SPATA13: variants seen among roughly 807,000 people sequenced by gnomAD.
SPATA13 encodes the protein spermatogenesis associated 13.
A neutral mutation model predicts 104.0 loss-of-function variants in SPATA13; 50 were observed. The ratio of observed to expected loss-of-function variants is 0.48; its 90% confidence interval spans 0.38 to 0.61. SPATA13 has a LOEUF of 0.61. Among genes scored for constraint, SPATA13 ranks in the 20% least tolerant of loss-of-function variants. SPATA13 has a pLI of 0.00. For missense variants in SPATA13, 1,524 were observed against 1,690.6 expected, an observed-to-expected ratio of 0.90 and a Z score of 1.73; for synonymous variants, 606 against 667.5, an observed-to-expected ratio of 0.91 and a Z score of 1.42.
At position 24,223,020 on chromosome 13, in the gene SPATA13, T is replaced by A. The variant is rs1030752353; in HGVS notation, c.91T>A (p.Cys31Ser). The A allele has an allele frequency of 6.4e-7, 1 of 1,551,534 alleles. No individual in the cohort carries two copies. Among genetic ancestry groups the A allele is most frequent in the South Asian group, 1.2e-5 (1 of 84,044 alleles). Residue 31 changes from cysteine (C) to serine (S), a missense_variant, in exon 2 of 13, where the codon TGT (cysteine) becomes AGT (serine). Physicochemically the swap from Cys to Ser is moderately radical, Grantham distance 112. Transcript: ENST00000382108. ...CCTCGGGCCAGGCCCCGCAGCCCCCTGTGCAGGCTCGGACCTGAAAGACGC... is the reference window on the plus strand; with the variant it reads ...CCTCGGGCCAGGCCCCGCAGCCCCCAGTGCAGGCTCGGACCTGAAAGACGC... ...NGLGPGPAAP[C>S]AGSDLKDAKM...
At chr13:24,075,594 T>G (rs925193496) in intron 3 of SPATA13, among the ~76,000 whole-genome samples, 5 of 152,246 alleles carry the variant, frequency 3.3e-5, no homozygotes, top group Non-Finnish European at 7.3e-5. Context: ...ATGCTGGCAC[T>G]GTTTCTACTT....
chr13:24,130,947 T>C (rs1881373681), intron 3 of SPATA13, among the ~76,000 whole-genome samples: 1 of 152,122 alleles, frequency 6.6e-6, no homozygotes, highest in South Asian at 2.1e-4. Context: ...TGAGACAGAG[T>C]TCTTACACAG....
rs1273207698 is a variant in SPATA13, at chr13:24,011,219, G to C, written c.-146-6448G>C. Reference sequence around the variant, plus strand: ...GGGTGCCACCTCCCAGCCTGGATCAGCACTCGGAGCTCCCACCTGCCTCCC... The same window carrying C: ...GGGTGCCACCTCCCAGCCTGGATCACCACTCGGAGCTCCCACCTGCCTCCC... On this transcript the variant is annotated intron_variant, in intron 2 of 14. Coordinates refer to the SPATA13 transcript ENST00000424834. This position sits in a 1 kb window ranked among gnomAD's most constrained non-coding sequence, Gnocchi z 4.3. Among the ~76,000 whole-genome samples, 1 of 151,752 alleles carries C rather than the reference G, an allele frequency of 6.6e-6. No individual in the cohort carries two copies. The highest frequency in any genetic ancestry group is 1.5e-5 in the Non-Finnish European group (1 of 67,946).
At chr13:24,246,433 GTTC>G (rs1484764673) in intron 2 of SPATA13, among the ~76,000 whole-genome samples, 4 of 152,174 alleles carry the variant, frequency 2.6e-5, no homozygotes, top group Non-Finnish European at 5.9e-5. Context: ...CTTTGACTCT[GTTC>G]TTAAGTCCTG....
chr13:24,069,231 A>G (rs1269374854), intron 3 of SPATA13, among the ~76,000 whole-genome samples: 1 of 152,104 alleles, frequency 6.6e-6, no homozygotes, highest in East Asian at 1.9e-4. Context: ...CATTTTTACA[A>G]TGTTGATTCT....
At chr13:24,210,478 T>A (rs1026033691) in intron 1 of SPATA13, among the ~76,000 whole-genome samples, 1 of 152,204 alleles carries the variant, frequency 6.6e-6, no homozygotes, top group Non-Finnish European at 1.5e-5. Flanking sequence ...ATTTTGCATG[T>A]GGATATTCAG....
chr13:24,277,315 G>A (rs998522537), intron 4 of SPATA13, among the ~76,000 whole-genome samples: 5 of 151,858 alleles, frequency 3.3e-5, no homozygotes, highest in Non-Finnish European at 7.4e-5. Flanking sequence ...GTGGTGGCGG[G>A]CGCCTGTAGT....
chr13:24,143,779 G>C (rs1157752254), intron 3 of SPATA13, among the ~76,000 whole-genome samples: 1 of 152,186 alleles, frequency 6.6e-6, no homozygotes, highest in Non-Finnish European at 1.5e-5. Flanking sequence ...TCTTGCTATA[G>C]ATAGTCCCAG....
At chr13:24,099,780 T>C (rs1880196631) in intron 3 of SPATA13, among the ~76,000 whole-genome samples, 1 of 152,202 alleles carries the variant, frequency 6.6e-6, no homozygotes, top group Admixed American at 6.5e-5. Context: ...GGTCTGGGTT[T>C]TTTTAAACAG....
rs114955292 is a variant in SPATA13, at chr13:24,111,692, C to T, written c.-112+93991C>T. On this transcript the variant is annotated intron_variant, in intron 3 of 14. Transcript: ENST00000424834. ...AAGTGCTGGAATTATAGACATGAGC[C>T]GCCATGCCCGGCCTGCGTCCATATT... Among the ~76,000 whole-genome samples the T allele has an allele frequency of 5.9e-3, 902 of 152,320 alleles. 6 individuals carry two copies. The highest frequency in any genetic ancestry group is 0.02 in the African/African-American group (852 of 41,566).
chr13:24,274,916 G>A (rs1874865346), intron 4 of SPATA13, among the ~76,000 whole-genome samples: 1 of 152,122 alleles, frequency 6.6e-6, no homozygotes, highest in Admixed American at 6.5e-5. Flanking sequence ...ATGTCTCCTT[G>A]TTGTCAAGTG....
rs1227516685 is a variant in SPATA13 at position 24,223,119 on chromosome 13, G to A, written c.190G>A (p.Glu64Lys). ...CCCTGGTGGCGACACGGACACCCAG[G>A]AAGCCAAACTCAGCCCAGCCAAGCT... ...CSPGGDTDTQEAKLSPAKLVR... is the reference protein window; with the variant it reads ...CSPGGDTDTQKAKLSPAKLVR... The change falls in exon 2 of 13, where the codon GAA becomes AAA. Residue 64 changes from glutamate (E) to lysine (K), a missense_variant. Glu to Lys is a moderately conservative substitution (Grantham distance 56). Around this residue, in one of 2 missense-constraint regions of SPATA13, gnomAD observed 1,089 missense variants for 1,135.9 expected, o/e 0.96. Coordinates refer to ENST00000382108, the MANE Select transcript of SPATA13 (RefSeq NM_001166271.3). 4 of 1,551,614 alleles carry A rather than the reference G, an allele frequency of 2.6e-6. No homozygotes were observed. Among genetic ancestry groups the A allele is most frequent in the East Asian group, 4.9e-5 (2 of 40,926 alleles).
chr13:24,297,016 T>C lies in SPATA13; in HGVS notation c.3211-347T>C, dbSNP rs1184540644. Reference sequence around the variant, plus strand: ...AATCCAAATTGGGAGTTTGTTTTTGTTGTTGTTGTTGTTTGTTTGTTTGTT... The same window carrying C: ...AATCCAAATTGGGAGTTTGTTTTTGCTGTTGTTGTTGTTTGTTTGTTTGTT... On this transcript the variant is annotated intron_variant, in intron 10 of 12. Coordinates refer to ENST00000382108, the MANE Select transcript of SPATA13 (RefSeq NM_001166271.3). Among the ~76,000 whole-genome samples the C allele has an allele frequency of 2.0e-5, 3 of 149,846 alleles. No individual in the cohort carries two copies. The South Asian group carries it at 6.4e-4, about 32-fold the overall frequency.
At chr13:24,175,594 A>G (rs1220246084) in intron 1 of SPATA13, among the ~76,000 whole-genome samples, 2 of 152,220 alleles carry the variant, frequency 1.3e-5, no homozygotes, top group Non-Finnish European at 2.9e-5. Context: ...CTTGTTGAGT[A>G]ATGTTTATGA....
chr13:24,256,787 T>C (rs570957102), intron 4 of SPATA13, among the ~76,000 whole-genome samples: 4 of 152,322 alleles, frequency 2.6e-5, no homozygotes, highest in South Asian at 2.1e-4. Flanking sequence ...GTGTGTTATT[T>C]GGGATAATAG....
chr13:24,263,861 C>T (rs1167340672), intron 4 of SPATA13, among the ~76,000 whole-genome samples: 1 of 152,190 alleles, frequency 6.6e-6, no homozygotes, highest in Non-Finnish European at 1.5e-5. Context: ...CTAAGACTGC[C>T]TATGGTAAAA....
At chr13:24,063,559 C>T (rs1419833923) in intron 3 of SPATA13, among the ~76,000 whole-genome samples, 2 of 152,016 alleles carry the variant, frequency 1.3e-5, no homozygotes, top group African/African-American at 4.8e-5. Flanking sequence ...CAAACTCCCC[C>T]ACATCATCAC....
At chr13:23,989,102 T>C (rs566221770) in intron 2 of SPATA13, among the ~76,000 whole-genome samples, 2 of 152,224 alleles carry the variant, frequency 1.3e-5, no homozygotes, top group Non-Finnish European at 2.9e-5. Flanking sequence ...GTTATAAAAA[T>C]TTCTAGTCTC....
Position 24,142,141 on chromosome 13 carries a change from A to G in SPATA13, c.-111-80678A>G, listed in dbSNP as rs544478429. Among the ~76,000 whole-genome samples the G allele has an allele frequency of 6.1e-4, 93 of 151,498 alleles. 1 individual carries two copies. The South Asian group carries it at 0.019, about 32-fold the overall frequency. Reference sequence around the variant, plus strand: ...TTTTTTTAGCTTTTTTATGCTACAAATAGGACAGAGGGGTCTTATGTATCC... The same window carrying G: ...TTTTTTTAGCTTTTTTATGCTACAAGTAGGACAGAGGGGTCTTATGTATCC... On this transcript the variant is annotated intron_variant, in intron 3 of 14. Coordinates refer to the SPATA13 transcript ENST00000424834.
Sources: allele counts gnomAD v4.1 joint callset (sites outside exome capture counted in the v4.1 genomes callset), GRCh38; gene constraint gnomAD v4.1.1; regional missense constraint gnomAD v4.1.1; non-coding constraint Gnocchi (gnomAD v3.1); transcripts MANE v1.5; gene names NCBI Gene and HGNC (gene_info 2026-07-23, HGNC 2026-07-21).